FER: variants seen among roughly 807,000 people sequenced by gnomAD.
The protein encoded by FER is tyrosine-protein kinase Fer.
A neutral mutation model predicts 111.0 loss-of-function variants in FER; 63 were observed. That is an observed-to-expected ratio of 0.57 (90% confidence interval 0.46 to 0.70). The LOEUF is 0.70. FER is among the 30% of genes least tolerant of loss of function. The pLI, the probability that FER is intolerant of heterozygous loss-of-function variation, is 0.00. For missense variants in FER, 914 were observed against 954.0 expected, an observed-to-expected ratio of 0.96 and a Z score of 0.55; for synonymous variants, 327 against 313.9, an observed-to-expected ratio of 1.04 and a Z score of -0.44.
chr5:108,985,796 T>C (rs764779326), intron 13 of FER, among the ~76,000 whole-genome samples: 5 of 152,182 alleles, frequency 3.3e-5, no homozygotes, highest in African/African-American at 4.8e-5. Context: ...AATAGTGTTA[T>C]ATGGTATATA....
At chr5:109,092,096 GCCT>G (rs1401039695) in intron 16 of FER, among the ~76,000 whole-genome samples, 4 of 151,770 alleles carry the variant, frequency 2.6e-5, no homozygotes, top group African/African-American at 9.7e-5. Flanking sequence ...CAGACACCAA[GCCT>G]GCTGACACCT....
chr5:108,906,489 T>G lies in FER; in HGVS notation c.1236+8641T>G, dbSNP rs539717864. Among the ~76,000 whole-genome samples, 5 of 152,160 alleles carry G rather than the reference T, an allele frequency of 3.3e-5. No individual in the cohort carries two copies. In the South Asian group the frequency reaches 1.0e-3, roughly 32 times the overall value. On this transcript the variant is annotated intron_variant, in intron 10 of 19. Coordinates refer to ENST00000281092, the MANE Select transcript of FER (RefSeq NM_005246.4). Reference sequence around the variant, plus strand: ...ACTGTCATGTAATTAACTTACGACTTATGCATTACCTTTATAATAGCCCTT... The same window carrying G: ...ACTGTCATGTAATTAACTTACGACTGATGCATTACCTTTATAATAGCCCTT...
chr5:109,081,621 A>G (rs193101272), intron 16 of FER, among the ~76,000 whole-genome samples: 1 of 152,124 alleles, frequency 6.6e-6, no homozygotes, highest in African/African-American at 2.4e-5. Flanking sequence ...TTTTCTCCTA[A>G]GCAGTTACTT....
intron 5 of FER, among the ~76,000 whole-genome samples, chr5:108,839,572 CTTTTTTTTTTT>C (rs1232820003): frequency 2.1e-5 from 2 of 94,734 alleles, no homozygotes; most frequent in East Asian, 2.9e-4. Context: ...ATGCCATTTT[CTTTTTTTTTTT>C]TTTTTTTTTT....
intron 16 of FER, among the ~76,000 whole-genome samples, chr5:109,092,598 G>T (rs1325716353): frequency 6.6e-6 from 1 of 152,026 alleles, no homozygotes; most frequent in Non-Finnish European, 1.5e-5. Context: ...TATAAAAAAA[G>T]TAGAAGATAA....
chr5:108,777,899 A>G (rs567020348), intron 2 of FER, among the ~76,000 whole-genome samples: 3 of 152,264 alleles, frequency 2.0e-5, no homozygotes, highest in Admixed American at 1.3e-4. Flanking sequence ...ACCCACCCCC[A>G]TGATTCAGTC....
At chr5:108,983,059 T>C (rs1240107434) in intron 13 of FER, among the ~76,000 whole-genome samples, 1 of 152,094 alleles carries the variant, frequency 6.6e-6, no homozygotes, top group African/African-American at 2.4e-5. Flanking sequence ...TGCCATTGTG[T>C]TCCCTAGCAC....
intron 13 of FER, among the ~76,000 whole-genome samples, chr5:109,008,962 C>G (rs1765860560): frequency 6.6e-6 from 1 of 151,822 alleles, no homozygotes; most frequent in South Asian, 2.1e-4. Flanking sequence ...AAGAGCGAAA[C>G]TCCATCTCAA....
At chr5:108,898,328 A>T (rs555119412) in intron 10 of FER, among the ~76,000 whole-genome samples, 2 of 152,138 alleles carry the variant, frequency 1.3e-5, no homozygotes, top group Non-Finnish European at 2.9e-5. Flanking sequence ...AATACATTCA[A>T]ATTCACCAAC....
At chr5:108,879,699 A>ATATATATATATATAT (rs1165401708) in intron 8 of FER, among the ~76,000 whole-genome samples, 3,002 of 92,088 alleles carry the variant, frequency 0.033, 87 homozygotes, top group Middle Eastern at 0.049. Context: ...AGATTAAAAA[A>ATATATATATATATAT]AAATATATAT....
At chr5:108,981,319 A>G (rs753764821) in intron 13 of FER, among the ~76,000 whole-genome samples, 1 of 152,066 alleles carries the variant, frequency 6.6e-6, no homozygotes, top group Non-Finnish European at 1.5e-5. Flanking sequence ...TTGCAAAGCT[A>G]TGTTAAATCA....
chr5:109,121,896 G>T (rs1423596693), intron 17 of FER, among the ~76,000 whole-genome samples: 1 of 151,932 alleles, frequency 6.6e-6, no homozygotes, highest in African/African-American at 2.4e-5. Context: ...GTTCCTCATA[G>T]TAGCCGCTAA....
intron 3 of FER, among the ~76,000 whole-genome samples, chr5:108,805,589 T>C (rs1223996210): frequency 1.3e-5 from 2 of 152,184 alleles, no homozygotes; most frequent in Non-Finnish European, 1.5e-5. Context: ...CTGTTAGTGA[T>C]ATGAACGAAA....
intron 13 of FER, among the ~76,000 whole-genome samples, chr5:109,026,146 T>C (rs1278944922): frequency 2.0e-5 from 3 of 152,154 alleles, no homozygotes; most frequent in African/African-American, 7.2e-5. Context: ...GTAGGGAAAT[T>C]ACATAGACAT....
In FER at chr5:109,057,892, C is replaced by T. The variant is rs188043570; in HGVS notation, c.1924+10694C>T. On this transcript the variant is annotated intron_variant, in intron 16 of 19. Transcript: ENST00000281092. ...CTCATTATTTGAGGCCAGCATTACC[C>T]TGATTCTAAAATGAGACAGAAACAT... Among the ~76,000 whole-genome samples the T allele has an allele frequency of 2.3e-3, 354 of 152,274 alleles. 1 individual carries two copies. Among genetic ancestry groups the T allele is most frequent in the Non-Finnish European group, 3.9e-3 (265 of 68,020 alleles).
chr5:108,837,019 T>G (rs111666282), intron 5 of FER, among the ~76,000 whole-genome samples: 83 of 152,338 alleles, frequency 5.4e-4, no homozygotes, highest in African/African-American at 1.5e-3. Flanking sequence ...TCTCTATTAA[T>G]GTAGATATAT....
At chr5:109,110,922 A>G (rs1749533208) in intron 17 of FER, among the ~76,000 whole-genome samples, 1 of 152,182 alleles carries the variant, frequency 6.6e-6, no homozygotes, top group Non-Finnish European at 1.5e-5. Flanking sequence ...TGGTGATACA[A>G]TCATGAGCAA....
intron 17 of FER, among the ~76,000 whole-genome samples, chr5:109,157,846 G>C (rs1755566143): frequency 6.6e-6 from 1 of 152,056 alleles, no homozygotes; most frequent in Non-Finnish European, 1.5e-5. Flanking sequence ...CCTCGGTTTT[G>C]AGGTTCCAAC....
intron 17 of FER, among the ~76,000 whole-genome samples, chr5:109,170,871 G>A (rs753989681): frequency 6.6e-6 from 1 of 152,282 alleles, no homozygotes; most frequent in South Asian, 2.1e-4. Flanking sequence ...TGTGAGGCTA[G>A]ATTCATCTGG....
Sources: allele counts gnomAD v4.1 joint callset (sites outside exome capture counted in the v4.1 genomes callset), GRCh38; gene constraint gnomAD v4.1.1; transcripts MANE v1.5; gene names NCBI Gene and HGNC (gene_info 2026-07-23, HGNC 2026-07-21).